Variants in ASTE1 observed in about 807,000 individuals in gnomAD.
The protein encoded by ASTE1 is single-strand DNA endonuclease ASTE1.
ASTE1 carries 49 observed loss-of-function variants against 45.8 expected under a neutral mutation model. The observed-to-expected ratio is 1.07, with a 90% CI of 0.85 to 1.36. ASTE1 has a LOEUF of 1.36. ASTE1 is among the 40% of genes most tolerant of loss of function. The pLI, the probability that ASTE1 is intolerant of heterozygous loss-of-function variation, is 0.00. For missense variants in ASTE1, 709 were observed against 804.0 expected (o/e 0.88, Z 1.43); for synonymous variants, 296 against 303.9 (o/e 0.97, Z 0.27).
chr3:131,023,185 A>G (rs13073173), intron 3 of ASTE1, among the ~76,000 whole-genome samples: 27,956 of 152,100 alleles, frequency 0.18, 2,686 homozygotes, highest in Middle Eastern at 0.22. Context: ...CTACATCCTT[A>G]AGTAGACTGG....
chr3:131,014,501 C>T, intron 5 of ASTE1, 114 bp from the exon 6 acceptor site: 13 of 960,094 alleles, frequency 1.4e-5, no homozygotes, highest in Non-Finnish European at 1.8e-5. Context: ...TCTTATTGCT[C>T]TATAATATTA....
Position 131,024,649 on chromosome 3 carries a change from C to G in ASTE1, c.658G>C (p.Val220Leu). Residue 220 changes from valine (V) to leucine (L), a missense_variant, in exon 3 of 6, where the codon GTG (valine) becomes CTG (leucine). Physicochemically the swap from Val to Leu is conservative, Grantham distance 32. Coordinates refer to ENST00000264992, the MANE Select transcript of ASTE1 (RefSeq NM_014065.4). ...MNKALLPLFA[V>L]LCGNDHVNLP... ...TTAACATGGTCATTTCCACATAGCACCGCAAAGAGAGGTAGTAGAGCTTTA... is the reference window on the plus strand; with the variant it reads ...TTAACATGGTCATTTCCACATAGCAGCGCAAAGAGAGGTAGTAGAGCTTTA... The G allele has an allele frequency of 6.3e-7, 1 of 1,595,888 alleles. No individual in the cohort carries two copies. Among genetic ancestry groups the G allele is most frequent in the Non-Finnish European group, 8.5e-7 (1 of 1,170,980 alleles).
intron 5 of ASTE1, among the ~76,000 whole-genome samples, chr3:131,014,795 T>C (rs2063517805): frequency 6.6e-6 from 1 of 152,206 alleles, no homozygotes. Context: ...ACTAAAAACC[T>C]ACTTCACAAA....
At position 131,024,552 on chromosome 3, in the gene ASTE1, C is replaced by G. The variant is rs1422522911; in HGVS notation, c.755G>C (p.Arg252Thr). 1.2e-6 allele frequency: 2 copies of G among 1,614,076 alleles called. No homozygotes were observed. The highest frequency in any genetic ancestry group is 1.7e-6 in the Non-Finnish European group (2 of 1,180,020). The part of the protein sequence containing the change: ...PLGATSSKGR[R>T]HHRILGLLNW... Reference sequence around the variant, plus strand: ...CAGAAGTCCCAGGATTCGGTGGTGTCTCCTCCCTTTAGAACTGGTAGCTCC... The same window carrying G: ...CAGAAGTCCCAGGATTCGGTGGTGTGTCCTCCCTTTAGAACTGGTAGCTCC... Residue 252 changes from arginine (R) to threonine (T), a missense_variant, in exon 3 of 6, where the codon AGA becomes ACA. By Grantham distance (71) the Arg-to-Thr change is moderately conservative (BLOSUM62 -1). Coordinates refer to ENST00000264992, the MANE Select transcript of ASTE1 (RefSeq NM_014065.4).
intron 3 of ASTE1, among the ~76,000 whole-genome samples, chr3:131,023,524 A>T (rs929748612): frequency 6.6e-6 from 1 of 152,194 alleles, no homozygotes; most frequent in African/African-American, 2.4e-5. Flanking sequence ...AACCTATTTT[A>T]AAAAAGGTAT....
In ASTE1 at chr3:131,025,171, C is replaced by A. The variant is rs574211105; in HGVS notation, c.136G>T (p.Asp46Tyr). ...TCATAGTCCCCTCCATACCGGAGAT[C>A]CAAGTTTGAACTGAAGCAAAGACGG... ...FHRLCFSSNL[D>Y]LRYGGDYDSF... The change falls in exon 3 of 6, where the codon GAT becomes TAT. Residue 46 changes from aspartate to tyrosine, a missense_variant. Asp to Tyr is a radical substitution (Grantham distance 160). Transcript: ENST00000264992. The A allele has an allele frequency of 3.4e-5, 55 of 1,614,186 alleles. No individual in the cohort carries two copies. In the African/African-American group the frequency reaches 6.4e-4, roughly 19 times the overall value.
intron 3 of ASTE1, among the ~76,000 whole-genome samples, chr3:131,020,447 C>A (rs1371002267): frequency 6.6e-6 from 1 of 152,152 alleles, no homozygotes; most frequent in African/African-American, 2.4e-5. Context: ...TAAGAATGAT[C>A]CACTTTTGTG....
rs140482548 is a variant in ASTE1, at chr3:131,014,346, A to G, written c.1751T>C (p.Leu584Pro). 67 of 1,611,452 alleles carry G rather than the reference A, an allele frequency of 4.2e-5. No individual in the cohort carries two copies. Among genetic ancestry groups the G allele is most frequent in the Non-Finnish European group, 5.5e-5 (65 of 1,179,192 alleles). ...ACTTTCTACAGAGGTCGATGCTAGC[A>G]GTTGCTGGCATAGTCCGTGCACCAG... ...GSLVHGLCQQ[L>P]LASTSVESLL... The change falls in exon 6 of 6, where the codon CTG becomes CCG. Residue 584 changes from leucine (L) to proline (P), a missense_variant. Transcript: ENST00000264992.
At chr3:131,014,521 C>A in intron 5 of ASTE1, 134 bp from the exon 6 acceptor site, 1 of 860,642 alleles carries the variant, frequency 1.2e-6, no homozygotes, top group South Asian at 2.1e-5. Context: ...ATCGAAATTA[C>A]TTAAGAATAA....
At chr3:131,022,657 A>G (rs1213705320) in intron 3 of ASTE1, among the ~76,000 whole-genome samples, 1 of 152,044 alleles carries the variant, frequency 6.6e-6, no homozygotes, top group Non-Finnish European at 1.5e-5. Context: ...GCCATCACTA[A>G]TTCCAAAACA....
In ASTE1 at chr3:131,014,119, G is replaced by A. The variant is rs76645523; in HGVS notation, c.1978C>T (p.Arg660Trp). The A allele has an allele frequency of 2.9e-4, 460 of 1,611,266 alleles. 1 individual carries two copies. The African/African-American group carries it at 5.1e-3, about 18-fold the overall frequency. ...TTTTCAACCATTAACAACCCAAACC[G>A]GTTGTTTCCCTCATACCAACACTTG... ...HTKCWYEGNNRFGLLMVENLE... is the reference protein window; with the variant it reads ...HTKCWYEGNNWFGLLMVENLE... The change falls in exon 6 of 6, where the codon CGG becomes TGG. Residue 660 changes from arginine (R) to tryptophan (W), a missense_variant. Transcript: ENST00000264992.
chr3:131,018,441 A>G, intron 4 of ASTE1, 65 bp downstream of exon 4: 1 of 1,486,794 alleles, frequency 6.7e-7, no homozygotes, highest in Non-Finnish European at 9.4e-7. Flanking sequence ...TTGTTTGTGT[A>G]AACTCGAGTA....
chr3:131,015,341 C>A (rs755160161), intron 5 of ASTE1: 10 of 635,788 alleles, frequency 1.6e-5, no homozygotes, highest in Middle Eastern at 2.5e-4. Context: ...CAATCTATCT[C>A]CTTTTTATCT....
rs746873414 is a variant in ASTE1, at chr3:131,024,975, C to T, written c.332G>A (p.Ser111Asn). The change falls in exon 3 of 6, where the codon AGT (serine) becomes AAT (asparagine). Residue 111 changes from serine (S) to asparagine (N), a missense_variant. Coordinates refer to ENST00000264992, the MANE Select transcript of ASTE1 (RefSeq NM_014065.4). The part of the protein sequence containing the change: ...QMAHSLSVGG[S>N]GYVCPLLIRE... ...GATGAGTAAGGGACATACGTACCCA[C>T]TCCCACCAACAGAAAGGGAATGGGC... The T allele has an allele frequency of 6.2e-6, 10 of 1,603,388 alleles. No individual in the cohort carries two copies. Among genetic ancestry groups the T allele is most frequent in the South Asian group, 1.1e-5 (1 of 89,446 alleles).
Position 131,013,992 on chromosome 3 carries a change from G to A in ASTE1, c.*65C>T. The A allele has an allele frequency of 8.4e-7, 1 of 1,188,194 alleles. No individual in the cohort carries two copies. The highest frequency in any genetic ancestry group is 1.2e-6 in the Non-Finnish European group (1 of 849,432). 73.6% of individuals were successfully genotyped at this position (1,188,194 alleles called of 1,614,324 possible). ...AAAGAAAAAGCTAATTGTTTCAAGG[G>A]TGGTAACGGAAGAATTTTAAGTAAG... On this transcript the variant is annotated 3_prime_UTR_variant, in exon 6 of 6. Coordinates refer to ENST00000264992, the MANE Select transcript of ASTE1 (RefSeq NM_014065.4).
chr3:131,016,979 A>T, intron 4 of ASTE1: 1 of 1,288,652 alleles, frequency 7.8e-7, no homozygotes, highest in Non-Finnish European at 1.0e-6. Context: ...AATAATAAAA[A>T]GGAGGCCCAC....
Position 131,025,194 on chromosome 3 carries a change from C to T in ASTE1, c.113G>A (p.Arg38His), listed in dbSNP as rs778047194. 17 of 1,614,066 alleles carry T rather than the reference C, an allele frequency of 1.1e-5. No individual in the cohort carries two copies. The highest frequency in any genetic ancestry group is 8.0e-5 in the African/African-American group (6 of 74,932). Reference protein sequence around the residue: ...IVIDGYALFHRLCFSSNLDLR... With the variant: ...IVIDGYALFHHLCFSSNLDLR... ...ATCCAAGTTTGAACTGAAGCAAAGA[C>T]GGTGGAAAAGAGCATAACCATCAAT... is the stretch of plus-strand genomic sequence containing the variant. The change falls in exon 3 of 6, where the codon CGT becomes CAT. Residue 38 changes from arginine to histidine, a missense_variant. Physicochemically the swap from Arg to His is conservative, Grantham distance 29. Coordinates refer to ENST00000264992, the MANE Select transcript of ASTE1 (RefSeq NM_014065.4).
chr3:131,015,086 C>A, intron 5 of ASTE1: 1 of 536,410 alleles, frequency 1.9e-6, no homozygotes, highest in Non-Finnish European at 3.3e-6. Context: ...ATAAAGAATC[C>A]AGGGGTCAAA....
Position 131,018,618 on chromosome 3 carries a change from A to G in ASTE1, c.1401T>C (p.Ala467=). Residue 467 remains alanine, a synonymous_variant, in exon 4 of 6, where the codon GCT becomes GCC. Coordinates refer to ENST00000264992, the MANE Select transcript of ASTE1 (RefSeq NM_014065.4). ...PIPTSLKLPI[A]VSCYWLQHTE... ...TGTGCTGCAACCAGTAGCAACTGAC[A>G]GCAATGGGCAACTTCAGTGAAGTAG... is the stretch of plus-strand genomic sequence containing the variant. 1 of 1,614,052 alleles carries G rather than the reference A, an allele frequency of 6.2e-7. No individual in the cohort carries two copies. The highest frequency in any genetic ancestry group is 8.5e-7 in the Non-Finnish European group (1 of 1,180,004).
Sources: gnomAD v4.1 joint callset for allele counts (sites outside exome capture counted in the v4.1 genomes callset) on GRCh38, gnomAD v4.1.1 for gene constraint, MANE v1.5 for transcripts, NCBI Gene and HGNC (gene_info 2026-07-23, HGNC 2026-07-21) for gene names.